Variants in CFAP20DC observed in about 807,000 individuals in gnomAD.
The protein encoded by CFAP20DC is protein CFAP20DC.
In CFAP20DC, 84 loss-of-function variants were observed where a neutral mutation model predicts 101.7. That is an observed-to-expected ratio of 0.83 (90% CI 0.69 to 0.99). The LOEUF (loss-of-function observed/expected upper bound fraction) is 0.99. Among genes scored for constraint, CFAP20DC ranks in the 50% least tolerant of loss-of-function variants. CFAP20DC has a pLI of 0.00. For missense variants in CFAP20DC, 1,007 were observed against 970.3 expected (o/e 1.04, Z -0.50); for synonymous variants, 359 against 351.2 (o/e 1.02, Z -0.25).
intron 13 of CFAP20DC, among the ~76,000 whole-genome samples, chr3:58,842,505 G>T (rs1246021091): frequency 7.9e-5 from 12 of 152,160 alleles, no homozygotes; most frequent in Non-Finnish European, 1.5e-4. Context: ...ACCTGGCTCG[G>T]AGGGTCCTAC....
chr3:58,776,128 C>T (rs1033450762), intron 15 of CFAP20DC, among the ~76,000 whole-genome samples: 4 of 152,118 alleles, frequency 2.6e-5, no homozygotes, highest in Non-Finnish European at 5.9e-5. Context: ...TCCCTTAACT[C>T]CCAATATGGG....
intron 15 of CFAP20DC, among the ~76,000 whole-genome samples, chr3:58,786,858 T>C (rs2072388736): frequency 6.6e-6 from 1 of 151,898 alleles, no homozygotes. Context: ...TATATTACTA[T>C]AATTGTTCTA....
intron 14 of CFAP20DC, among the ~76,000 whole-genome samples, chr3:58,824,749 T>G (rs1329783328): frequency 6.6e-6 from 1 of 152,140 alleles, no homozygotes; most frequent in Non-Finnish European, 1.5e-5. Flanking sequence ...ACATGCCATG[T>G]TGATGGATGC....
intron 4 of CFAP20DC, among the ~76,000 whole-genome samples, chr3:58,985,683 A>G (rs1473607301): frequency 6.6e-6 from 1 of 152,140 alleles, no homozygotes; most frequent in Non-Finnish European, 1.5e-5. Flanking sequence ...GTTCTATGAA[A>G]CCCGTTAGCA....
intron 5 of CFAP20DC, among the ~76,000 whole-genome samples, chr3:58,919,322 T>A (rs2085086113): frequency 6.6e-6 from 1 of 152,148 alleles, no homozygotes; most frequent in Non-Finnish European, 1.5e-5. Flanking sequence ...CGTTCTTCTG[T>A]TTTGAACAGT....
At position 58,753,826 on chromosome 3, in the gene CFAP20DC, G is replaced by C; in HGVS notation, c.2275C>G (p.Pro759Ala). The C allele has an allele frequency of 6.2e-7, 1 of 1,612,920 alleles. No individual in the cohort carries two copies. The highest frequency in any genetic ancestry group is 1.1e-5 in the South Asian group (1 of 90,898). ...CGCTGCTCAGCCGGCTGTTGACTGG[G>C]AGGAACGATTGGTGGGCTCAACATA... Reference protein sequence around the residue: ...LNMLSPPIVPPSQQPAEQRPD... With the variant: ...LNMLSPPIVPASQQPAEQRPD... Residue 759 changes from proline to alanine, a missense_variant, in exon 16 of 17, where the codon CCC (proline) becomes GCC (alanine). Pro to Ala is a conservative substitution (Grantham distance 27, BLOSUM62 -1). Transcript: ENST00000482387.
Position 58,912,631 on chromosome 3 carries a change from T to C in CFAP20DC, c.550+1077A>G, listed in dbSNP as rs2084269129. On this transcript the variant is annotated intron_variant, in intron 6 of 16. Transcript: ENST00000482387. The surrounding 1 kb of genome is among the most constrained non-coding windows in gnomAD (Gnocchi z 4.4). ...GAAGAATTGATTTAACAAATAATAA[T>C]CCCAGATGAAAATCAAAAGGAGGCA... is the stretch of plus-strand genomic sequence containing the variant. 2.3e-6 allele frequency: 1 copy of C among 427,478 alleles called. No homozygotes were observed. Among genetic ancestry groups the C allele is most frequent in the Non-Finnish European group, 4.6e-6 (1 of 216,664 alleles). The allele number at this position is 427,478 out of a possible 1,614,324, so 26.5% of individuals were successfully genotyped here.
intron 13 of CFAP20DC, among the ~76,000 whole-genome samples, chr3:58,839,718 G>C (rs1457908698): frequency 2.6e-5 from 4 of 152,178 alleles, no homozygotes; most frequent in African/African-American, 9.7e-5. Context: ...TCATACTTCT[G>C]ATAGCACCTT....
chr3:58,998,929 G>A (rs1225682385), intron 4 of CFAP20DC, among the ~76,000 whole-genome samples: 1 of 152,218 alleles, frequency 6.6e-6, no homozygotes, highest in Non-Finnish European at 1.5e-5. Flanking sequence ...GGCACACAGA[G>A]GTTAAGTCCT....
At chr3:58,937,615 T>G in intron 5 of CFAP20DC, 33 bp downstream of exon 5, 1 of 1,279,024 alleles carries the variant, frequency 7.8e-7, no homozygotes, top group Admixed American at 1.7e-5. Flanking sequence ...GAATTGAATT[T>G]AATATTTTAG....
chr3:58,799,140 A>G lies in CFAP20DC; in HGVS notation c.2237+7255T>C, dbSNP rs1054940262. Among the ~76,000 whole-genome samples, 1 of 151,920 alleles carries G rather than the reference A, an allele frequency of 6.6e-6. No individual in the cohort carries two copies. Among genetic ancestry groups the G allele is most frequent in the Non-Finnish European group, 1.5e-5 (1 of 67,982 alleles). Reference sequence around the variant, plus strand: ...TTTTCTATTTGCTTACCCAGATTCTATTAGCCTGGTGAGAACTGAGTACAC... The same window carrying G: ...TTTTCTATTTGCTTACCCAGATTCTGTTAGCCTGGTGAGAACTGAGTACAC... On this transcript the variant is annotated intron_variant, in intron 15 of 16. Transcript: ENST00000482387. The surrounding 1 kb of genome is among the most constrained non-coding windows in gnomAD (Gnocchi z 4.9).
intron 4 of CFAP20DC, among the ~76,000 whole-genome samples, chr3:58,993,419 C>T (rs974278719): frequency 6.7e-6 from 1 of 148,940 alleles, no homozygotes; most frequent in Non-Finnish European, 1.5e-5. Context: ...TGGTGAATTT[C>T]TTTTTTTTTT....
chr3:58,948,599 T>G (rs948646347), intron 4 of CFAP20DC, among the ~76,000 whole-genome samples: 1 of 152,250 alleles, frequency 6.6e-6, no homozygotes, highest in Non-Finnish European at 1.5e-5. Flanking sequence ...AAAGGGTTAC[T>G]AGCGTTTGTT....
intron 15 of CFAP20DC, among the ~76,000 whole-genome samples, chr3:58,782,775 A>T (rs951382391): frequency 3.3e-5 from 5 of 152,098 alleles, no homozygotes; most frequent in Admixed American, 1.3e-4. Context: ...GATATAAACA[A>T]ATGGAAAGAC....
intron 14 of CFAP20DC, among the ~76,000 whole-genome samples, chr3:58,807,486 A>G (rs1254106286): frequency 6.6e-6 from 1 of 152,230 alleles, no homozygotes; most frequent in African/African-American, 2.4e-5. Context: ...GCAAACTCCA[A>G]CAGACCTGCA....
Position 58,995,684 on chromosome 3 carries a change from T to C in CFAP20DC, c.278+43873A>G, listed in dbSNP as rs185994806. Reference sequence around the variant, plus strand: ...AAATCAGTAGACTGAGTGAAGTAAATTGCCTCTCAAATGTGGTTAGGTCTC... The same window carrying C: ...AAATCAGTAGACTGAGTGAAGTAAACTGCCTCTCAAATGTGGTTAGGTCTC... On this transcript the variant is annotated intron_variant, in intron 4 of 16. Coordinates refer to ENST00000482387, the MANE Select transcript of CFAP20DC (RefSeq NM_001394063.1). Among the ~76,000 whole-genome samples, 227 of 152,252 alleles carry C rather than the reference T, an allele frequency of 1.5e-3. 2 individuals are homozygous for C. Among genetic ancestry groups the C allele is most frequent in the Admixed American group, 0.015 (225 of 15,298 alleles).
chr3:58,969,441 C>G (rs551470138), intron 4 of CFAP20DC, among the ~76,000 whole-genome samples: 1 of 152,244 alleles, frequency 6.6e-6, no homozygotes, highest in Non-Finnish European at 1.5e-5. Context: ...ACGTAAAGTT[C>G]CATATGACCC....
intron 6 of CFAP20DC, among the ~76,000 whole-genome samples, chr3:58,891,166 CA>C: frequency 1.3e-5 from 2 of 152,118 alleles, no homozygotes; most frequent in South Asian, 4.2e-4. Context: ...ACTCCGTCTG[CA>C]ATCCCGGCAC....
At chr3:58,878,478 C>CT (rs896542461) in intron 7 of CFAP20DC, among the ~76,000 whole-genome samples, 2 of 152,078 alleles carry the variant, frequency 1.3e-5, no homozygotes, top group African/African-American at 2.4e-5. Flanking sequence ...AATTAGCCTA[C>CT]TTTTTTTCTT....
Sources: gnomAD v4.1 joint callset for allele counts (sites outside exome capture counted in the v4.1 genomes callset) on GRCh38, gnomAD v4.1.1 for gene constraint, Gnocchi (gnomAD v3.1) non-coding constraint, MANE v1.5 for transcripts, NCBI Gene and HGNC (gene_info 2026-07-23, HGNC 2026-07-21) for gene names.